ZNF740: variants seen among roughly 807,000 people sequenced by gnomAD.
ZNF740 encodes the protein zinc finger protein 740.
In ZNF740, 14 loss-of-function variants were observed where a neutral mutation model predicts 24.8. The observed-to-expected ratio is 0.56, with a 90% CI of 0.37 to 0.88. The LOEUF (loss-of-function observed/expected upper bound fraction) is 0.88, where lower values mean the gene tolerates loss of function less well. Ranked by LOEUF, ZNF740 falls within the 40% of genes least tolerant of loss-of-function variation. The probability of loss-of-function intolerance (pLI) is 0.00; values close to 1 mark genes in which losing one functional copy is unlikely to be tolerated. For missense variants in ZNF740, 201 were observed against 247.9 expected, an observed-to-expected ratio of 0.81 and a Z score of 1.27; for synonymous variants, 69 against 84.0, an observed-to-expected ratio of 0.82 and a Z score of 0.98.
At chr12:53,181,201 C>T in intron 1 of ZNF740, 2 of 985,428 alleles carry the variant, frequency 2.0e-6, no homozygotes, top group Non-Finnish European at 2.4e-6. Flanking sequence ...TGCCTGTCCT[C>T]CACCTCCGCA....
In ZNF740 at chr12:53,191,117, C is replaced by T. The variant is rs574027865; in HGVS notation, c.*3527C>T. 7.9e-5 allele frequency: 17 copies of T among 214,096 alleles called. 1 individual carries two copies. The South Asian group carries it at 1.2e-3, about 16-fold the overall frequency. The allele number at this position is 214,096 out of a possible 1,614,324, so 13.3% of individuals were successfully genotyped here. ...CTCTGACCTGGGACCCCCCTGCATC[C>T]GCAGCACTTGAGAATTCATAGGCCC... On this transcript the variant is annotated 3_prime_UTR_variant, in exon 7 of 7. Coordinates refer to ENST00000416904, the MANE Select transcript of ZNF740 (RefSeq NM_001004304.4).
At chr12:53,183,232 T>C (rs1478543492) in intron 2 of ZNF740, among the ~76,000 whole-genome samples, 1 of 152,274 alleles carries the variant, frequency 6.6e-6, no homozygotes, top group Non-Finnish European at 1.5e-5. Context: ...TTAAGCGTTT[T>C]ACGTCTTAGT....
chr12:53,184,034 C>G (rs1368929943), intron 2 of ZNF740, among the ~76,000 whole-genome samples: 4 of 150,372 alleles, frequency 2.7e-5, no homozygotes, highest in Admixed American at 6.6e-5. Context: ...AACCAACAAG[C>G]AAAAAATGAA....
intron 4 of ZNF740, 100 bp from the exon 5 acceptor site, chr12:53,185,854 G>A: frequency 6.8e-7 from 1 of 1,475,086 alleles, no homozygotes; most frequent in Non-Finnish European, 9.2e-7. Flanking sequence ...GCATCAGAGA[G>A]GTTCCTTTCT....
intron 1 of ZNF740, 173 bp from the exon 2 acceptor site, chr12:53,181,504 C>T: frequency 3.0e-6 from 3 of 985,326 alleles, no homozygotes; most frequent in South Asian, 4.7e-5. Context: ...GGCTTCCACT[C>T]CTTGCCCAGG....
chr12:53,186,382 C>G lies in ZNF740; in HGVS notation c.374-9C>G. 1 of 1,564,134 alleles carries G rather than the reference C, an allele frequency of 6.4e-7. No homozygotes were observed. On this transcript the variant is annotated splice_polypyrimidine_tract_variant and intron_variant, in intron 5 of 6. Transcript: ENST00000416904. ...TCCCCACATTCACTTCTCTGTCCAC[C>G]TGGGCCAGGTGAGAAGCCATTTGAA...
At position 53,194,350 on chromosome 12, in the gene ZNF740, G is replaced by A. The variant is rs765657168; in HGVS notation, c.*6760G>A. 1.2e-6 allele frequency: 2 copies of A among 1,613,730 alleles called. No individual in the cohort carries two copies. Among genetic ancestry groups the A allele is most frequent in the South Asian group, 2.2e-5 (2 of 91,042 alleles). On this transcript the variant is annotated 3_prime_UTR_variant, in exon 7 of 7. Transcript: ENST00000416904. ...GTCACGGTGGAAGACAGGCTCTATG[G>A]GAAGAGAGCGAGTGGATAACCACGT...
Sources: gnomAD v4.1 joint callset for allele counts (sites outside exome capture counted in the v4.1 genomes callset) on GRCh38, gnomAD v4.1.1 for gene constraint, MANE v1.5 for transcripts, NCBI Gene and HGNC (gene_info 2026-07-23, HGNC 2026-07-21) for gene names.